ZNF106: variants seen among roughly 807,000 people sequenced by gnomAD.
ZNF106 encodes the protein zinc finger protein 106.
In ZNF106, 67 loss-of-function variants were observed where a neutral mutation model predicts 195.1. The observed-to-expected ratio is 0.34, with a 90% CI of 0.28 to 0.42. The LOEUF (loss-of-function observed/expected upper bound fraction) is 0.42, where lower values mean the gene tolerates loss of function less well. Among genes scored for constraint, ZNF106 ranks in the 10% least tolerant of loss-of-function variants. ZNF106 has a pLI of 1.00. For synonymous variants in ZNF106, 784 were observed against 818.6 expected, an observed-to-expected ratio of 0.96 and a Z score of 0.72; for missense variants, 2,118 against 2,304.5, an observed-to-expected ratio of 0.92 and a Z score of 1.66.
At chr15:42,456,713 A>T (rs1180944849) in intron 4 of ZNF106, among the ~76,000 whole-genome samples, 2 of 152,180 alleles carry the variant, frequency 1.3e-5, no homozygotes, top group Non-Finnish European at 2.9e-5. Context: ...AGTTACCAAC[A>T]TGGCAAAAAT....
intron 1 of ZNF106, among the ~76,000 whole-genome samples, chr15:42,481,990 T>C (rs1350897816): frequency 1.3e-5 from 2 of 152,196 alleles, no homozygotes; most frequent in South Asian, 2.1e-4. Flanking sequence ...TTTTAAAATA[T>C]TGATCCCAGG....
At position 42,451,859 on chromosome 15, in the gene ZNF106, T is replaced by A; in HGVS notation, c.413A>T (p.Glu138Val). The A allele has an allele frequency of 6.2e-7, 1 of 1,614,224 alleles. No homozygotes were observed. The highest frequency in any genetic ancestry group is 8.5e-7 in the Non-Finnish European group (1 of 1,180,042). Reference sequence around the variant, plus strand: ...ATGCCATGCAGGCTGACTGTAACTCTCTCTGTCTTGGTAAGGAATTCGGTC... The same window carrying A: ...ATGCCATGCAGGCTGACTGTAACTCACTCTGTCTTGGTAAGGAATTCGGTC... ...REDRIPYQDR[E>V]SYSQPAWHHR... The change falls in exon 5 of 22, where the codon GAG (glutamate) becomes GTG (valine). Residue 138 changes from glutamate (E) to valine (V), a missense_variant. By Grantham distance (121) the Glu-to-Val change is moderately radical. Coordinates refer to ENST00000564754, the MANE Select transcript of ZNF106 (RefSeq NM_001366845.3).
chr15:42,417,434 G>A (rs2054500475), intron 21 of ZNF106, 74 bp from the exon 22 acceptor site: 5 of 1,568,132 alleles, frequency 3.2e-6, no homozygotes, highest in Middle Eastern at 1.7e-4. Flanking sequence ...GCCAAGGAAA[G>A]CCATGTGGGT....
chr15:42,479,489 A>G (rs1470950078), intron 1 of ZNF106, among the ~76,000 whole-genome samples: 3 of 152,118 alleles, frequency 2.0e-5, no homozygotes, highest in South Asian at 2.1e-4. Flanking sequence ...ACACTTGGGG[A>G]AAAAAAGTAT....
intron 4 of ZNF106, among the ~76,000 whole-genome samples, chr15:42,453,094 T>G (rs1194084199): frequency 6.6e-6 from 1 of 152,148 alleles, no homozygotes; most frequent in African/African-American, 2.4e-5. Context: ...TTAACCTATT[T>G]TAAATAAGAT....
chr15:42,448,796 T>G, intron 5 of ZNF106, 91 bp from the exon 6 acceptor site: 2 of 1,376,482 alleles, frequency 1.5e-6, no homozygotes, highest in East Asian at 2.4e-5. Flanking sequence ...TCTCAAGCAC[T>G]GAGGTTATAA....
At chr15:42,485,868 T>C (rs946196886) in intron 1 of ZNF106, among the ~76,000 whole-genome samples, 1 of 152,220 alleles carries the variant, frequency 6.6e-6, no homozygotes, top group African/African-American at 2.4e-5. Flanking sequence ...TTTGGAAATA[T>C]TTATTCCTTG....
At chr15:42,446,542 AACCAAAAAAC>A (rs2055778100) in intron 7 of ZNF106, 37 bp downstream of exon 7, 1 of 1,529,212 alleles carries the variant, frequency 6.5e-7, no homozygotes. Flanking sequence ...CCCCAAAAAA[AACCAAAAAAC>A]ACCAACTTCT....
At chr15:42,463,359 G>T (rs2056436652) in intron 3 of ZNF106, among the ~76,000 whole-genome samples, 1 of 152,238 alleles carries the variant, frequency 6.6e-6, no homozygotes, top group Non-Finnish European at 1.5e-5. Context: ...CATAGATTCT[G>T]AATGTTAATG....
In ZNF106 at chr15:42,424,749, GGACTACA is replaced by G. The variant is rs2054792739; in HGVS notation, c.5190+78_5190+84del. The G allele has an allele frequency of 2.9e-6, 4 of 1,384,024 alleles. No individual in the cohort carries two copies. In the South Asian group the frequency reaches 5.7e-5, roughly 20 times the overall value. The allele number at this position is 1,384,024 out of a possible 1,614,324, so 85.7% of individuals were successfully genotyped here. ...CCTGCCTCACCCTCCCAAAGTGCTGGGACTACAGACGTGAGCCACCTCGCCTGGCCTC... is the reference window on the plus strand; with the variant it reads ...CCTGCCTCACCCTCCCAAAGTGCTGGGACGTGAGCCACCTCGCCTGGCCTC... On this transcript the variant is annotated intron_variant, in intron 16 of 21. Coordinates refer to ENST00000564754, the MANE Select transcript of ZNF106 (RefSeq NM_001366845.3).
chr15:42,428,714 T>C (rs935076955), intron 14 of ZNF106, among the ~76,000 whole-genome samples: 1 of 152,222 alleles, frequency 6.6e-6, no homozygotes, highest in African/African-American at 2.4e-5. Context: ...ATTTCCCTAG[T>C]AATTCAGATG....
chr15:42,426,397 TAA>T (rs869047270), intron 15 of ZNF106, among the ~76,000 whole-genome samples: 11 of 137,592 alleles, frequency 8.0e-5, no homozygotes, highest in Non-Finnish European at 6.4e-5. Flanking sequence ...GTCTACTACT[TAA>T]AAAAAAAAAA....
chr15:42,487,540 C>T, intron 1 of ZNF106, among the ~76,000 whole-genome samples: 1 of 150,756 alleles, frequency 6.6e-6, no homozygotes, highest in Non-Finnish European at 1.5e-5. Flanking sequence ...TATTACTACC[C>T]CCTCCTGTTT....
In ZNF106 at chr15:42,417,818, T is replaced by G. The variant is rs906093509; in HGVS notation, c.5651A>C (p.Lys1884Thr). 20 of 1,613,726 alleles carry G rather than the reference T, an allele frequency of 1.2e-5. No homozygotes were observed. Among genetic ancestry groups the G allele is most frequent in the Non-Finnish European group, 1.7e-5 (20 of 1,179,872 alleles). Reference sequence around the variant, plus strand: ...CCACTAATGTACCTGTTTGGATCCTTTCCTAGCAGTGAAAAAAGCATCGCA... The same window carrying G: ...CCACTAATGTACCTGTTTGGATCCTGTCCTAGCAGTGAAAAAAGCATCGCA... ...KNCDAFFTAR[K>T]GSKQDAAGHI... The change falls in exon 21 of 22, where the codon AAA becomes ACA. Residue 1884 changes from lysine (K) to threonine (T), a missense_variant. By Grantham distance (78) the Lys-to-Thr change is moderately conservative. Transcript: ENST00000564754.
intron 15 of ZNF106, 106 bp downstream of exon 15, chr15:42,427,912 C>A: frequency 4.5e-6 from 4 of 887,098 alleles, no homozygotes; most frequent in Non-Finnish European, 7.2e-6. Context: ...CTGCTGCTTC[C>A]TCACAGAAGA....
chr15:42,487,000 A>T (rs891916176), intron 1 of ZNF106, among the ~76,000 whole-genome samples: 1 of 151,922 alleles, frequency 6.6e-6, no homozygotes, highest in South Asian at 2.1e-4. Context: ...AATACAAAAA[A>T]TTAGCCAGGC....
intron 7 of ZNF106, among the ~76,000 whole-genome samples, chr15:42,446,309 G>A (rs926118479): frequency 2.6e-5 from 4 of 152,178 alleles, no homozygotes; most frequent in Admixed American, 6.5e-5. Flanking sequence ...GGCTGGGCAC[G>A]GTGGCTCACA....
chr15:42,458,535 C>T (rs957903851), intron 3 of ZNF106, among the ~76,000 whole-genome samples: 12 of 151,984 alleles, frequency 7.9e-5, no homozygotes, highest in Admixed American at 4.6e-4. Context: ...TTGTGAAACC[C>T]TATCACTACT....
chr15:42,430,728 C>G (rs1261487798), intron 14 of ZNF106, among the ~76,000 whole-genome samples: 1 of 151,976 alleles, frequency 6.6e-6, no homozygotes, highest in Non-Finnish European at 1.5e-5. Flanking sequence ...TATACCAAAC[C>G]TGTTTGTCCT....
Sources: allele counts gnomAD v4.1 joint callset (sites outside exome capture counted in the v4.1 genomes callset), GRCh38; gene constraint gnomAD v4.1.1; transcripts MANE v1.5; gene names NCBI Gene and HGNC (gene_info 2026-07-23, HGNC 2026-07-21).